The following LRPPRC variants were observed in gnomAD, a reference collection of about 807,000 sequenced individuals.
LRPPRC encodes leucine rich pentatricopeptide repeat containing.
A neutral mutation model predicts 180.3 loss-of-function variants in LRPPRC; 120 were observed. That is an observed-to-expected ratio of 0.67 (90% CI 0.57 to 0.77). The LOEUF (loss-of-function observed/expected upper bound fraction) is 0.77, where lower values mean the gene tolerates loss of function less well. Among genes scored for constraint, LRPPRC ranks in the 30% least tolerant of loss-of-function variants. The probability of loss-of-function intolerance (pLI) is 0.00; values close to 1 mark genes in which losing one functional copy is unlikely to be tolerated. For missense variants in LRPPRC, 2,012 were observed against 1,657.2 expected (o/e 1.21, Z -3.72); for synonymous variants, 723 against 600.0 (o/e 1.21, Z -3.00).
At chr2:43,981,495 C>A (rs564438547) in intron 2 of LRPPRC, among the ~76,000 whole-genome samples, 1 of 152,028 alleles carries the variant, frequency 6.6e-6, no homozygotes, top group Non-Finnish European at 1.5e-5. Flanking sequence ...CCCGTCCCTA[C>A]TAAAAATACA....
upstream of LRPPRC, among the ~76,000 whole-genome samples, chr2:43,996,252 C>G (rs1481375559): frequency 6.6e-6 from 1 of 152,218 alleles, no homozygotes; most frequent in Admixed American, 6.5e-5. Context: ...GGTAGAGCCG[C>G]AAGAGGTCAA....
At chr2:43,942,061 G>C (rs568856721) in intron 23 of LRPPRC, among the ~76,000 whole-genome samples, 3 of 152,032 alleles carry the variant, frequency 2.0e-5, no homozygotes, top group African/African-American at 7.2e-5. Flanking sequence ...GTTAACATTT[G>C]AATTCCACAC....
At chr2:43,981,646 C>T (rs531421487) in intron 2 of LRPPRC, among the ~76,000 whole-genome samples, 1 of 150,944 alleles carries the variant, frequency 6.6e-6, no homozygotes, top group African/African-American at 2.4e-5. Flanking sequence ...GGCGACAGAG[C>T]GATACTCCAT....
intron 25 of LRPPRC, among the ~76,000 whole-genome samples, chr2:43,929,263 G>C (rs553342553): frequency 6.6e-6 from 1 of 152,206 alleles, no homozygotes; most frequent in African/African-American, 2.4e-5. Flanking sequence ...GGATGTCATG[G>C]TGTTATTCAA....
intron 12 of LRPPRC, among the ~76,000 whole-genome samples, chr2:43,961,499 T>C (rs1444955397): frequency 6.6e-6 from 1 of 152,220 alleles, no homozygotes; most frequent in Non-Finnish European, 1.5e-5. Context: ...CAGCCTAGTA[T>C]ACATCTGAAA....
intron 14 of LRPPRC, among the ~76,000 whole-genome samples, chr2:43,955,703 A>G (rs2103643306): frequency 6.6e-6 from 1 of 151,672 alleles, no homozygotes; most frequent in Non-Finnish European, 1.5e-5. Flanking sequence ...AACCCACTGC[A>G]CTCTGGCCTT....
chr2:43,966,950 C>G (rs888009371), intron 11 of LRPPRC, among the ~76,000 whole-genome samples: 1 of 151,960 alleles, frequency 6.6e-6, no homozygotes, highest in Non-Finnish European at 1.5e-5. Flanking sequence ...ACTAGAGAGG[C>G]TGAAGAAGGA....
chr2:43,898,141 CG>C (rs1323949698), intron 34 of LRPPRC, among the ~76,000 whole-genome samples: 2 of 150,100 alleles, frequency 1.3e-5, no homozygotes, highest in Non-Finnish European at 3.0e-5. Flanking sequence ...CCCAGTGAAC[CG>C]GAATTTCCCT....
intron 8 of LRPPRC, 85 bp downstream of exon 8, chr2:43,974,529 T>C (rs1037614212): frequency 8.9e-6 from 9 of 1,015,750 alleles, no homozygotes; most frequent in South Asian, 5.7e-5. Context: ...ACAATGCCCA[T>C]TGTTAGAAAA....
At chr2:43,925,838 C>T in intron 26 of LRPPRC, 55 bp downstream of exon 26, 5 of 1,134,150 alleles carry the variant, frequency 4.4e-6, no homozygotes, top group Non-Finnish European at 6.7e-6. Flanking sequence ...TACAGAGGAC[C>T]CTTGCCTTCT....
chr2:43,983,248 C>G (rs942267225), intron 1 of LRPPRC, among the ~76,000 whole-genome samples: 3 of 151,976 alleles, frequency 2.0e-5, no homozygotes, highest in African/African-American at 7.2e-5. Context: ...GTCTAATATG[C>G]AAGTCGAATG....
intron 16 of LRPPRC, 140 bp from the exon 17 acceptor site, chr2:43,948,658 G>T: frequency 1.5e-6 from 1 of 675,390 alleles, no homozygotes; most frequent in Non-Finnish European, 2.7e-6. Flanking sequence ...GATCACTGAG[G>T]CATAGAGATT....
At chr2:43,915,406 C>T (rs919622721) in intron 29 of LRPPRC, among the ~76,000 whole-genome samples, 1 of 151,812 alleles carries the variant, frequency 6.6e-6, no homozygotes, top group Admixed American at 6.6e-5. Flanking sequence ...CAGAATGGGC[C>T]GGGCATGGTG....
intron 23 of LRPPRC, among the ~76,000 whole-genome samples, chr2:43,942,815 A>C (rs2105075548): frequency 6.6e-6 from 1 of 152,264 alleles, no homozygotes; most frequent in East Asian, 1.9e-4. Flanking sequence ...TGTTAATTGA[A>C]CTAAAGAAAT....
At chr2:43,908,823 C>T (rs922294902) in intron 30 of LRPPRC, among the ~76,000 whole-genome samples, 1 of 152,296 alleles carries the variant, frequency 6.6e-6, no homozygotes, top group Admixed American at 6.5e-5. Flanking sequence ...CACTGAGCCA[C>T]CATGCTCGGC....
intron 23 of LRPPRC, 107 bp downstream of exon 23, chr2:43,943,579 AC>A: frequency 1.1e-6 from 1 of 886,100 alleles, no homozygotes. Flanking sequence ...GTGGTAAATG[AC>A]CTCCAAGGCT....
chr2:43,948,197 A>G lies in LRPPRC; in HGVS notation c.1845T>C (p.Asn615=), dbSNP rs377435687. 1 of 1,577,938 alleles carries G rather than the reference A, an allele frequency of 6.3e-7. No individual in the cohort carries two copies. The highest frequency in any genetic ancestry group is 1.7e-5 in the Admixed American group (1 of 59,952). Residue 615 remains asparagine (N), a splice_region_variant and synonymous_variant, in exon 18 of 38, where the codon AAT becomes AAC. Transcript: ENST00000260665. ...TGTAGATATTTTCAGGAATTTTTACATTCTGTGAGAAGGGAAGGGAGGGGG... is the reference window on the plus strand; with the variant it reads ...TGTAGATATTTTCAGGAATTTTTACGTTCTGTGAGAAGGGAAGGGAGGGGG... ...RQYFHQLEKM[N]VKIPENIYRG...
At position 43,915,228 on chromosome 2, in the gene LRPPRC, TCTCTCACACACACACACACACA is replaced by T. The variant is rs1379357743; in HGVS notation, c.3149-2692_3149-2671del. On this transcript the variant is annotated intron_variant, in intron 29 of 37. Coordinates refer to ENST00000260665, the MANE Select transcript of LRPPRC (RefSeq NM_133259.4). ...CTCTCTCTCTCTCTCTCTCTCTCTC[TCTCTCACACACACACACACACA>T]CACACACACACACACACACACACAC... is the stretch of plus-strand genomic sequence containing the variant. Among the ~76,000 whole-genome samples, 36 of 63,328 alleles carry T rather than the reference TCTCTCACACACACACACACACA, an allele frequency of 5.7e-4. No individual in the cohort carries two copies. In the South Asian group the frequency reaches 5.8e-3, roughly 10 times the overall value. The allele number at this position is 63,328 out of a possible 152,430, so 41.5% of individuals were successfully genotyped here.
In LRPPRC at chr2:43,995,922, C is replaced by G. The variant is rs1369921980; in HGVS notation, c.26G>C (p.Arg9Pro). 2 of 1,518,694 alleles carry G rather than the reference C, an allele frequency of 1.3e-6. No homozygotes were observed. Among genetic ancestry groups the G allele is most frequent in the Non-Finnish European group, 1.8e-6 (2 of 1,140,572 alleles). The allele number at this position is 1,518,694 out of a possible 1,614,324, so 94.1% of individuals were successfully genotyped here. A position where few individuals can be genotyped will look rare whatever the true frequency, so the allele number is the denominator to read the frequency against. Residue 9 changes from arginine (R) to proline (P), a missense_variant, in exon 1 of 38, where the codon CGT becomes CCT. Physicochemically the swap from Arg to Pro is moderately radical, Grantham distance 103. Coordinates refer to ENST00000260665, the MANE Select transcript of LRPPRC (RefSeq NM_133259.4). ...GGCCGCCCCGGCACGCAGCAACCAA[C>G]GCGCGGATCTCAGCAGGGCTGCCAT... Reference protein sequence around the residue: MAALLRSARWLLRAGAAPR... With the variant: MAALLRSAPWLLRAGAAPR...
Sources: allele counts gnomAD v4.1 joint callset (sites outside exome capture counted in the v4.1 genomes callset), GRCh38; gene constraint gnomAD v4.1.1; transcripts MANE v1.5; gene names NCBI Gene and HGNC (gene_info 2026-07-23, HGNC 2026-07-21).